PCDH15: variants seen among roughly 807,000 people sequenced by gnomAD.
PCDH15 encodes the protein protocadherin-15.
PCDH15 carries 129 observed loss-of-function variants against 178.5 expected under a neutral mutation model. The observed-to-expected ratio is 0.72, with a 90% confidence interval of 0.63 to 0.84. The LOEUF is 0.84. PCDH15 is among the 40% of genes least tolerant of loss of function. The pLI is 0.00. For synonymous variants in PCDH15, 800 were observed against 732.0 expected (o/e 1.09, Z -1.50); for missense variants, 2,230 against 2,099.9 (o/e 1.06, Z -1.21).
chr10:54,006,542 G>C (rs1489964202), intron 20 of PCDH15, among the ~76,000 whole-genome samples: 2 of 152,058 alleles, frequency 1.3e-5, no homozygotes, highest in African/African-American at 2.4e-5. Context: ...CAACCTCCTG[G>C]TCTCTCAAGC....
intron 8 of PCDH15, among the ~76,000 whole-genome samples, chr10:54,271,430 G>A (rs565909319): frequency 4.1e-4 from 62 of 152,100 alleles, no homozygotes; most frequent in Middle Eastern, 3.4e-3. Context: ...GGCTGGTTTC[G>A]AACTCCTGAT....
chr10:54,850,904 A>G (rs1953607989), intron 3 of PCDH15, among the ~76,000 whole-genome samples: 2 of 152,202 alleles, frequency 1.3e-5, no homozygotes, highest in Non-Finnish European at 2.9e-5. Flanking sequence ...TCTAACAAGG[A>G]GCAATTGGAA....
intron 2 of PCDH15, among the ~76,000 whole-genome samples, chr10:54,530,092 C>T (rs942435798): frequency 6.6e-6 from 1 of 151,912 alleles, no homozygotes; most frequent in African/African-American, 2.4e-5. Flanking sequence ...TATTTTTGAA[C>T]CTTTTTACAG....
chr10:54,389,240 G>T (rs1379900992), intron 3 of PCDH15, among the ~76,000 whole-genome samples: 5 of 152,142 alleles, frequency 3.3e-5, no homozygotes, highest in African/African-American at 4.8e-5. Flanking sequence ...TTGCTGAAGT[G>T]CATGTCCTCT....
chr10:54,371,117 A>AAGAC (rs1947597846), intron 4 of PCDH15, among the ~76,000 whole-genome samples: 1 of 151,862 alleles, frequency 6.6e-6, no homozygotes, highest in African/African-American at 2.4e-5. Context: ...TTAATGACAA[A>AAGAC]AGACATGGTT....
At chr10:54,519,396 C>T (rs1250060608) in intron 3 of PCDH15, among the ~76,000 whole-genome samples, 4 of 151,936 alleles carry the variant, frequency 2.6e-5, no homozygotes, top group Admixed American at 6.5e-5. Flanking sequence ...ACAAAAATCA[C>T]AAGCATTCTT....
chr10:55,237,689 C>T (rs983903658), intron 1 of PCDH15, among the ~76,000 whole-genome samples: 9 of 152,066 alleles, frequency 5.9e-5, no homozygotes, highest in African/African-American at 1.9e-4. Context: ...CTTTTAAGGG[C>T]AACCTGATTG....
intron 23 of PCDH15, among the ~76,000 whole-genome samples, chr10:53,955,396 A>ATTT (rs2087514632): frequency 1.3e-5 from 2 of 152,224 alleles, no homozygotes; most frequent in African/African-American, 4.8e-5. Flanking sequence ...TGTCTAATAG[A>ATTT]AATAAGTCAA....
chr10:54,279,889 T>C (rs7073153), intron 8 of PCDH15, among the ~76,000 whole-genome samples: 22,619 of 151,660 alleles, frequency 0.15, 2,063 homozygotes, highest in African/African-American at 0.26. Context: ...AAAATAAATG[T>C]AGGACATTAA....
intron 2 of PCDH15, among the ~76,000 whole-genome samples, chr10:54,570,042 GT>G (rs1224208677): frequency 0.018 from 9 of 510 alleles, no homozygotes; most frequent in Admixed American, 0.024. Context: ...AATTAGGGGT[GT>G]GTGTGTGTGT....
intron 1 of PCDH15, among the ~76,000 whole-genome samples, chr10:54,796,724 T>C (rs947857156): frequency 6.6e-6 from 1 of 151,964 alleles, no homozygotes; most frequent in African/African-American, 2.4e-5. Flanking sequence ...TGACTATCCC[T>C]GTATCTCTCT....
intron 15 of PCDH15, among the ~76,000 whole-genome samples, chr10:54,112,990 G>T (rs892116192): frequency 3.9e-5 from 6 of 152,116 alleles, no homozygotes; most frequent in African/African-American, 1.4e-4. Flanking sequence ...ACTGGGGAAT[G>T]AAATAAACTG....
intron 21 of PCDH15, among the ~76,000 whole-genome samples, chr10:53,990,447 G>T (rs1381428202): frequency 6.7e-6 from 1 of 150,248 alleles, no homozygotes; most frequent in East Asian, 2.0e-4. Context: ...TCATAAATCA[G>T]TATTAAAGCC....
At chr10:54,527,597 T>C (rs1170692364) in intron 3 of PCDH15, among the ~76,000 whole-genome samples, 5 of 152,118 alleles carry the variant, frequency 3.3e-5, no homozygotes, top group Non-Finnish European at 7.4e-5. Flanking sequence ...CAAAACTAAA[T>C]ATTTATATTA....
intron 1 of PCDH15, among the ~76,000 whole-genome samples, chr10:54,695,182 T>C (rs1266617890): frequency 6.6e-6 from 1 of 152,142 alleles, no homozygotes; most frequent in Admixed American, 6.6e-5. Context: ...AACCTGCACG[T>C]TGTGCACATG....
At chr10:55,020,547 T>C (rs1840300699) in intron 2 of PCDH15, among the ~76,000 whole-genome samples, 1 of 152,112 alleles carries the variant, frequency 6.6e-6, no homozygotes, top group Admixed American at 6.6e-5. Flanking sequence ...TATTTGTTAA[T>C]CTATTACTAC....
chr10:55,313,006 C>A (rs924368218), intron 1 of PCDH15, among the ~76,000 whole-genome samples: 5 of 152,052 alleles, frequency 3.3e-5, no homozygotes, highest in Non-Finnish European at 7.4e-5. Flanking sequence ...AAATAGAATT[C>A]TTAAATTCAT....
chr10:53,908,674 G>A (rs2082850296), intron 25 of PCDH15, among the ~76,000 whole-genome samples: 1 of 152,120 alleles, frequency 6.6e-6, no homozygotes, highest in African/African-American at 2.4e-5. Context: ...AGTTTAGTCT[G>A]ATTAAAAAAC....
chr10:55,040,993 T>C (rs1036905109), intron 2 of PCDH15, among the ~76,000 whole-genome samples: 2 of 152,080 alleles, frequency 1.3e-5, no homozygotes, highest in Non-Finnish European at 2.9e-5. Flanking sequence ...ATTATATTTA[T>C]TAGCAATCCA....
Sources: gnomAD v4.1 joint callset for allele counts (sites outside exome capture counted in the v4.1 genomes callset) on GRCh38, gnomAD v4.1.1 for gene constraint, MANE v1.5 for transcripts, NCBI Gene and HGNC (gene_info 2026-07-23, HGNC 2026-07-21) for gene names.